The following SLC22A14 variants were observed in gnomAD, a reference collection of about 807,000 sequenced individuals.
The protein encoded by SLC22A14 is solute carrier family 22 member 14.
Under a neutral mutation model 53.9 loss-of-function variants are expected in SLC22A14, and 50 were observed. The ratio of observed to expected loss-of-function variants is 0.93; its 90% CI spans 0.74 to 1.17. The LOEUF is 1.17. Among genes scored for constraint, SLC22A14 ranks in the 50% most tolerant of loss-of-function variants. The pLI, the probability that SLC22A14 is intolerant of heterozygous loss-of-function variation, is 0.00. For synonymous variants in SLC22A14, 312 were observed against 303.0 expected (o/e 1.03, Z -0.31); for missense variants, 671 against 734.7 (o/e 0.91, Z 1.00).
intron 6 of SLC22A14, 57 bp downstream of exon 6, chr3:38,313,176 T>C: frequency 6.3e-7 from 1 of 1,593,232 alleles, no homozygotes; most frequent in Non-Finnish European, 8.6e-7. Context: ...AAGGGCCCCT[T>C]CCCTCCTCAT....
chr3:38,309,229 G>T, intron 5 of SLC22A14, 107 bp downstream of exon 5: 2 of 996,944 alleles, frequency 2.0e-6, no homozygotes, highest in Non-Finnish European at 1.6e-6. Flanking sequence ...TTTCCCCTGG[G>T]AGAAAGTGCA....
At chr3:38,314,397 T>G (rs1160415011) in intron 8 of SLC22A14, among the ~76,000 whole-genome samples, 2 of 152,238 alleles carry the variant, frequency 1.3e-5, no homozygotes, top group Non-Finnish European at 1.5e-5. Flanking sequence ...GAGTGTAATA[T>G]GGGGCTCAGC....
rs1214629316 is a variant in SLC22A14 at position 38,302,625 on chromosome 3, C to G, written c.1-3402C>G. On this transcript the variant is annotated intron_variant, in intron 1 of 10. Transcript: ENST00000448498. Reference sequence around the variant, plus strand: ...TAAGCCGAGACTGTGCCACTGCACCCTAGCCTAGGTGACCAAGTGAGACAC... The same window carrying G: ...TAAGCCGAGACTGTGCCACTGCACCGTAGCCTAGGTGACCAAGTGAGACAC... Among the ~76,000 whole-genome samples the G allele has an allele frequency of 5.9e-5, 9 of 152,090 alleles. 1 individual carries two copies. Among genetic ancestry groups the G allele is most frequent in the Admixed American group, 4.6e-4 (7 of 15,258 alleles).
upstream of SLC22A14, among the ~76,000 whole-genome samples, chr3:38,280,739 C>T (rs1575394511): frequency 1.3e-5 from 2 of 151,952 alleles, no homozygotes; most frequent in Non-Finnish European, 2.9e-5. Flanking sequence ...AAGCGATTCT[C>T]TTGCCTCAGC....
At chr3:38,299,650 T>A (rs1178814483) in intron 1 of SLC22A14, among the ~76,000 whole-genome samples, 2 of 152,210 alleles carry the variant, frequency 1.3e-5, no homozygotes, top group Admixed American at 1.3e-4. Flanking sequence ...GCAGCTTCAA[T>A]CTCCTGGGCT....
At chr3:38,306,778 C>A (rs1704317909) in intron 2 of SLC22A14, among the ~76,000 whole-genome samples, 1 of 152,232 alleles carries the variant, frequency 6.6e-6, no homozygotes. Flanking sequence ...GGTTTTCCAT[C>A]TGTCCAAGAA....
intron 1 of SLC22A14, among the ~76,000 whole-genome samples, chr3:38,302,411 T>C (rs1403442849): frequency 6.6e-6 from 1 of 151,420 alleles, no homozygotes; most frequent in Non-Finnish European, 1.5e-5. Flanking sequence ...CTGTGCATGG[T>C]GGCAGATTGC....
At chr3:38,310,081 G>T (rs1197580395) in intron 5 of SLC22A14, among the ~76,000 whole-genome samples, 1 of 152,166 alleles carries the variant, frequency 6.6e-6, no homozygotes, top group Non-Finnish European at 1.5e-5. Context: ...TAAAAGATGG[G>T]GTTAACAGCA....
At chr3:38,304,307 G>A (rs1559549273) in intron 1 of SLC22A14, among the ~76,000 whole-genome samples, 1 of 151,998 alleles carries the variant, frequency 6.6e-6, no homozygotes, top group African/African-American at 2.4e-5. Flanking sequence ...ATTTTGCTGG[G>A]TATACAATTC....
At chr3:38,312,178 T>C (rs1161370171) in intron 5 of SLC22A14, among the ~76,000 whole-genome samples, 1 of 152,144 alleles carries the variant, frequency 6.6e-6, no homozygotes, top group African/African-American at 2.4e-5. Flanking sequence ...TAAAAAGTTA[T>C]ACCACCTTAG....
intron 10 of SLC22A14, among the ~76,000 whole-genome samples, chr3:38,317,716 T>C (rs749150822): frequency 2.0e-5 from 3 of 152,114 alleles, no homozygotes; most frequent in Non-Finnish European, 4.4e-5. Flanking sequence ...CTAAGATGAA[T>C]TGAGCATTTG....
At position 38,306,253 on chromosome 3, in the gene SLC22A14, C is replaced by G. The variant is rs761948692; in HGVS notation, c.227C>G (p.Pro76Arg). 5 of 1,614,192 alleles carry G rather than the reference C, an allele frequency of 3.1e-6. No homozygotes were observed. The South Asian group carries it at 5.5e-5, about 18-fold the overall frequency. ...QQRLVALTFI[P>R]SIMSAFFMFA... ...AGGCTAGTAGCCCTCACCTTTATCC[C>G]CAGCATCATGTCGGCCTTCTTCATG... Residue 76 changes from proline (P) to arginine (R), a missense_variant, in exon 2 of 11, where the codon CCC becomes CGC. Transcript: ENST00000448498.
rs1704307846 is a variant in SLC22A14 at position 38,306,442 on chromosome 3, G to A, written c.416G>A (p.Trp139Ter). 1 of 1,614,132 alleles carries A rather than the reference G, an allele frequency of 6.2e-7. No individual in the cohort carries two copies. Among genetic ancestry groups the A allele is most frequent in the Non-Finnish European group, 8.5e-7 (1 of 1,180,000 alleles). ...LTCFMYLPVP[W>*]NLDSIIQFGL... ...TGCTTCATGTACCTTCCTGTGCCTTGGAATCTGGATTCTATCATCCAGTTT... is the reference window on the plus strand; with the variant it reads ...TGCTTCATGTACCTTCCTGTGCCTTAGAATCTGGATTCTATCATCCAGTTT... Residue 139 changes from tryptophan (W) to a stop codon, truncating the protein, a stop_gained, in exon 2 of 11, where the codon TGG becomes TAG. Coordinates refer to ENST00000448498, the MANE Select transcript of SLC22A14 (RefSeq NM_001320033.2). LOFTEE classifies it high-confidence loss of function.
chr3:38,300,067 A>G (rs1360981383), intron 1 of SLC22A14, among the ~76,000 whole-genome samples: 1 of 152,224 alleles, frequency 6.6e-6, no homozygotes, highest in East Asian at 1.9e-4. Context: ...AAGTGTATAC[A>G]TAGTTTTTTA....
intron 1 of SLC22A14, among the ~76,000 whole-genome samples, chr3:38,282,868 C>G (rs1189935435): frequency 6.6e-6 from 1 of 152,220 alleles, no homozygotes; most frequent in East Asian, 1.9e-4. Flanking sequence ...GCCTTACACA[C>G]ATACATCCTG....
Position 38,316,339 on chromosome 3 carries a change from G to T in SLC22A14, c.1548G>T (p.Gly516=). 1 of 1,614,152 alleles carries T rather than the reference G, an allele frequency of 6.2e-7. No homozygotes were observed. Among genetic ancestry groups the T allele is most frequent in the Non-Finnish European group, 8.5e-7 (1 of 1,180,042 alleles). The part of the protein sequence containing the change: ...LPTVLRATGL[G]LVSLASVAGA... ...CCACTTTCAGGGCGACAGGTCTGGG[G>T]CTGGTGTCTCTGGCCTCGGTGGCTG... Residue 516 remains glycine (G), a synonymous_variant, in exon 10 of 11, where the codon GGG becomes GGT. Transcript: ENST00000448498.
At chr3:38,315,858 C>G in intron 9 of SLC22A14, 147 bp downstream of exon 9, 1 of 845,974 alleles carries the variant, frequency 1.2e-6, no homozygotes, top group South Asian at 1.6e-5. Flanking sequence ...TAAACACCAC[C>G]AGAAAATCCC....
chr3:38,279,470 A>G (rs1703622701), upstream of SLC22A14, among the ~76,000 whole-genome samples: 1 of 152,104 alleles, frequency 6.6e-6, no homozygotes, highest in African/African-American at 2.4e-5. Flanking sequence ...TTTGGTAGAG[A>G]TGGGGTTTTG....
chr3:38,314,609 G>A (rs184569827), intron 8 of SLC22A14, among the ~76,000 whole-genome samples: 109 of 152,330 alleles, frequency 7.2e-4, no homozygotes, highest in African/African-American at 2.5e-3. Flanking sequence ...GACTGCCTGC[G>A]GAGCCCTTTC....
Sources: gnomAD v4.1 joint callset for allele counts (sites outside exome capture counted in the v4.1 genomes callset) on GRCh38, gnomAD v4.1.1 for gene constraint, MANE v1.5 for transcripts, NCBI Gene and HGNC (gene_info 2026-07-23, HGNC 2026-07-21) for gene names.